Variants in LUZP2 observed in about 807,000 individuals in gnomAD.
The protein encoded by LUZP2 is leucine zipper protein 2.
In LUZP2, 52 loss-of-function variants were observed where a neutral mutation model predicts 51.6. The ratio of observed to expected loss-of-function variants is 1.01; its 90% CI spans 0.81 to 1.27. LUZP2 has a LOEUF of 1.27. LUZP2 is among the 50% of genes most tolerant of loss of function. LUZP2 has a pLI of 0.00. For synonymous variants in LUZP2, 154 were observed against 137.3 expected (o/e 1.12, Z -0.85); for missense variants, 436 against 395.4 (o/e 1.10, Z -0.87).
intron 1 of LUZP2, among the ~76,000 whole-genome samples, chr11:24,552,892 G>A (rs551758505): frequency 6.7e-6 from 1 of 150,292 alleles, no homozygotes; most frequent in Non-Finnish European, 1.5e-5. Flanking sequence ...AATTTCATTG[G>A]ATTTTGAAAA....
chr11:24,840,090 C>T (rs933368248), intron 5 of LUZP2, among the ~76,000 whole-genome samples: 3 of 148,612 alleles, frequency 2.0e-5, no homozygotes, highest in Non-Finnish European at 4.4e-5. Flanking sequence ...TTGTGGGGGA[C>T]AATTCTCTGT....
In LUZP2 at chr11:24,844,713, G is replaced by C. The variant is rs190622947; in HGVS notation, c.397-61278G>C. Among the ~76,000 whole-genome samples, 714 of 152,200 alleles carry C rather than the reference G, an allele frequency of 4.7e-3. 2 individuals carry two copies. The highest frequency in any genetic ancestry group is 7.6e-3 in the Non-Finnish European group (516 of 68,004). ...GGTCCCTGTGCTGTGTGCAGCCAAG[G>C]GACTTAGTGTCCTGTGTCCCAGCCA... On this transcript the variant is annotated intron_variant, in intron 5 of 11. Transcript: ENST00000336930.
At chr11:24,602,719 C>T (rs911649690) in intron 1 of LUZP2, among the ~76,000 whole-genome samples, 4 of 151,372 alleles carry the variant, frequency 2.6e-5, no homozygotes, top group African/African-American at 4.8e-5. Flanking sequence ...TTATTGAAAA[C>T]GCCAAACTGA....
At chr11:24,585,430 T>C (rs1456000089) in intron 1 of LUZP2, among the ~76,000 whole-genome samples, 1 of 152,224 alleles carries the variant, frequency 6.6e-6, no homozygotes, top group Non-Finnish European at 1.5e-5. Context: ...TCTTTTACTT[T>C]TGTGAGTCAT....
intron 9 of LUZP2, among the ~76,000 whole-genome samples, chr11:25,028,477 A>AT (rs1857560027): frequency 6.6e-6 from 1 of 152,094 alleles, no homozygotes; most frequent in Non-Finnish European, 1.5e-5. Flanking sequence ...AAAGAATGAG[A>AT]TTTTTTCATC....
intron 1 of LUZP2, among the ~76,000 whole-genome samples, chr11:24,572,025 CT>C: frequency 6.6e-6 from 1 of 151,906 alleles, no homozygotes; most frequent in East Asian, 1.9e-4. Flanking sequence ...ACTCTGGATT[CT>C]TAAGATTTAT....
intron 1 of LUZP2, among the ~76,000 whole-genome samples, chr11:24,519,232 A>T (rs1441007046): frequency 6.6e-6 from 1 of 151,968 alleles, no homozygotes; most frequent in East Asian, 1.9e-4. Flanking sequence ...TTCTACTTTG[A>T]CTTCAGACCA....
chr11:24,691,881 T>A (rs1469657654), intron 1 of LUZP2, among the ~76,000 whole-genome samples: 1 of 152,004 alleles, frequency 6.6e-6, no homozygotes, highest in African/African-American at 2.4e-5. Flanking sequence ...TCATGATTCA[T>A]AAGGCCAGCA....
At chr11:24,953,004 A>G (rs1298161395) in intron 7 of LUZP2, among the ~76,000 whole-genome samples, 1 of 151,904 alleles carries the variant, frequency 6.6e-6, no homozygotes, top group Non-Finnish European at 1.5e-5. Flanking sequence ...AGCTCCACTT[A>G]TGAATTCAAG....
At chr11:24,584,248 G>A (rs891777183) in intron 1 of LUZP2, among the ~76,000 whole-genome samples, 1 of 151,970 alleles carries the variant, frequency 6.6e-6, no homozygotes, top group Non-Finnish European at 1.5e-5. Context: ...CTACCACCAC[G>A]CATAAACCTC....
At chr11:24,622,934 A>G (rs548859350) in intron 1 of LUZP2, among the ~76,000 whole-genome samples, 1 of 152,348 alleles carries the variant, frequency 6.6e-6, no homozygotes, top group Non-Finnish European at 1.5e-5. Flanking sequence ...TTTTAAAATC[A>G]GCATTGCACT....
intron 1 of LUZP2, among the ~76,000 whole-genome samples, chr11:24,662,542 G>C (rs1308781426): frequency 6.6e-6 from 1 of 151,958 alleles, no homozygotes; most frequent in Admixed American, 6.6e-5. Context: ...ATTCTATAAA[G>C]TTTTCTGAAG....
intron 8 of LUZP2, among the ~76,000 whole-genome samples, chr11:24,980,493 A>G (rs927493268): frequency 1.3e-5 from 2 of 151,650 alleles, no homozygotes; most frequent in Non-Finnish European, 2.9e-5. Context: ...TTGTAACAAA[A>G]CACTAACCTA....
intron 5 of LUZP2, among the ~76,000 whole-genome samples, chr11:24,773,263 A>G (rs1328010684): frequency 1.3e-5 from 2 of 152,220 alleles, no homozygotes; most frequent in Non-Finnish European, 2.9e-5. Context: ...GAGGCATACA[A>G]GTATTATTAA....
intron 5 of LUZP2, among the ~76,000 whole-genome samples, chr11:24,820,918 C>A (rs1203398980): frequency 6.6e-6 from 1 of 152,076 alleles, no homozygotes; most frequent in Non-Finnish European, 1.5e-5. Flanking sequence ...TCAGTGGTGA[C>A]ATCAGTGGAT....
At chr11:24,709,347 A>G (rs1417357010) in intron 1 of LUZP2, among the ~76,000 whole-genome samples, 1 of 152,170 alleles carries the variant, frequency 6.6e-6, no homozygotes, top group East Asian at 1.9e-4. Flanking sequence ...CCTACACATC[A>G]TTCTCAAGGA....
intron 7 of LUZP2, among the ~76,000 whole-genome samples, chr11:24,918,579 T>C (rs998536971): frequency 1.3e-5 from 2 of 151,726 alleles, no homozygotes. Flanking sequence ...ATAAGAGCTA[T>C]TTATGACAAA....
intron 9 of LUZP2, among the ~76,000 whole-genome samples, chr11:24,983,970 A>G (rs1188991502): frequency 6.6e-6 from 1 of 151,734 alleles, no homozygotes; most frequent in African/African-American, 2.4e-5. Context: ...AGAACATTTA[A>G]TGGTGCTTTT....
intron 9 of LUZP2, among the ~76,000 whole-genome samples, chr11:25,042,871 A>C (rs1590868392): frequency 6.6e-6 from 1 of 152,266 alleles, no homozygotes; most frequent in South Asian, 2.1e-4. Context: ...CCAGGATCCT[A>C]TGGAGTGAAA....
Sources: allele counts gnomAD v4.1 joint callset (sites outside exome capture counted in the v4.1 genomes callset), GRCh38; gene constraint gnomAD v4.1.1; transcripts MANE v1.5; gene names NCBI Gene and HGNC (gene_info 2026-07-23, HGNC 2026-07-21).